IFT80: variants seen among roughly 807,000 people sequenced by gnomAD.
IFT80 encodes intraflagellar transport protein 80 homolog.
IFT80 carries 79 observed loss-of-function variants against 107.9 expected under a neutral mutation model. The ratio of observed to expected loss-of-function variants is 0.73; its 90% CI spans 0.61 to 0.88. The LOEUF (loss-of-function observed/expected upper bound fraction) is 0.88, where lower values mean the gene tolerates loss of function less well. Ranked by LOEUF, IFT80 falls within the 40% of genes least tolerant of loss-of-function variation. The probability of loss-of-function intolerance (pLI) is 0.00; values close to 1 mark genes in which losing one functional copy is unlikely to be tolerated. For synonymous variants in IFT80, 299 were observed against 300.9 expected, an observed-to-expected ratio of 0.99 and a Z score of 0.07; for missense variants, 797 against 914.2, an observed-to-expected ratio of 0.87 and a Z score of 1.65.
intron 5 of IFT80, among the ~76,000 whole-genome samples, chr3:160,373,329 C>T (rs1464083396): frequency 6.6e-6 from 1 of 152,106 alleles, no homozygotes; most frequent in African/African-American, 2.4e-5. Context: ...CCAGCCTTTC[C>T]AAGTCTGGAG....
intron 8 of IFT80, among the ~76,000 whole-genome samples, chr3:160,334,314 GTTA>G (rs1398228234): frequency 6.6e-6 from 1 of 152,078 alleles, no homozygotes; most frequent in Non-Finnish European, 1.5e-5. Context: ...GATGAGATAT[GTTA>G]TTAGTTGATA....
At chr3:160,368,063 A>G (rs1296718720) in intron 5 of IFT80, among the ~76,000 whole-genome samples, 1 of 151,922 alleles carries the variant, frequency 6.6e-6, no homozygotes, top group Non-Finnish European at 1.5e-5. Flanking sequence ...GAATCAACGA[A>G]TCAATGAATA....
chr3:160,355,245 T>C (rs1720986875), intron 8 of IFT80, among the ~76,000 whole-genome samples: 1 of 150,204 alleles, frequency 6.7e-6, no homozygotes, highest in Admixed American at 6.6e-5. Context: ...AAATATGCCC[T>C]TTGGTTATTT....
At position 160,385,682 on chromosome 3, in the gene IFT80, G is replaced by A. The variant is rs895037150; in HGVS notation, c.-46-1036C>T. 2.0e-5 allele frequency among the ~76,000 whole-genome samples: 3 copies of A among 152,276 alleles called. No homozygotes were observed. In the South Asian group the frequency reaches 6.2e-4, roughly 32 times the overall value. On this transcript the variant is annotated intron_variant, in intron 1 of 19. Coordinates refer to ENST00000326448, the MANE Select transcript of IFT80 (RefSeq NM_020800.3). ...TTGAACTTCAAAAGTATGAAACTATGTGGAGCACAGCCAGAGCTAGAATAC... is the reference window on the plus strand; with the variant it reads ...TTGAACTTCAAAAGTATGAAACTATATGGAGCACAGCCAGAGCTAGAATAC...
intron 11 of IFT80, among the ~76,000 whole-genome samples, chr3:160,302,993 A>G (rs960924377): frequency 1.3e-5 from 2 of 152,170 alleles, no homozygotes; most frequent in Non-Finnish European, 2.9e-5. Context: ...CTTGCCAGGC[A>G]GCTACTTTCC....
At chr3:160,346,974 C>T (rs1323355838) in intron 8 of IFT80, among the ~76,000 whole-genome samples, 1 of 152,158 alleles carries the variant, frequency 6.6e-6, no homozygotes, top group Non-Finnish European at 1.5e-5. Flanking sequence ...CCCTCCAAAG[C>T]CCTTATTCGT....
chr3:160,261,465 T>C lies in IFT80; in HGVS notation c.2224-2830A>G, dbSNP rs78263553. ...AACAAAACAAAAAATATATCTAGTA[T>C]GCCAGAAGCGGTAAAGATTTTGAAA... On this transcript the variant is annotated intron_variant, in intron 19 of 19. Transcript: ENST00000326448. 1.2e-4 allele frequency among the ~76,000 whole-genome samples: 18 copies of C among 146,680 alleles called. No individual in the cohort carries two copies. In the South Asian group the frequency reaches 3.7e-3, roughly 30 times the overall value.
In IFT80 at chr3:160,277,662, G is replaced by A. The variant is rs1714371929; in HGVS notation, c.1845C>T (p.Thr615=). The A allele has an allele frequency of 6.2e-7, 1 of 1,611,934 alleles. No individual in the cohort carries two copies. The highest frequency in any genetic ancestry group is 8.5e-7 in the Non-Finnish European group (1 of 1,178,438). ...CCATAGCAGCTAGACAAGCCCACAT[G>A]GTTTGCTCCTAAAGTAAAGTATGAG... ...VRLCRFVKEQ[T]MWACLAAMAV... Residue 615 remains threonine, a synonymous_variant, in exon 17 of 20, where the codon ACC becomes ACT. Transcript: ENST00000326448.
At position 160,330,763 on chromosome 3, in the gene IFT80, C is replaced by T. The variant is rs1719034401; in HGVS notation, c.778-10824G>A. On this transcript the variant is annotated intron_variant, in intron 8 of 19. Coordinates refer to ENST00000326448, the MANE Select transcript of IFT80 (RefSeq NM_020800.3). The stretch of plus-strand genomic sequence containing the variant: ...CCCCATTTACCTGTTACCCAGTTTC[C>T]AACAATTATCAACTAATGGCTAATT... 2.0e-5 allele frequency among the ~76,000 whole-genome samples: 3 copies of T among 152,124 alleles called. No individual in the cohort carries two copies. The South Asian group carries it at 6.2e-4, about 32-fold the overall frequency.
intron 18 of IFT80, among the ~76,000 whole-genome samples, chr3:160,274,190 G>A (rs1222655042): frequency 6.6e-6 from 1 of 152,040 alleles, no homozygotes; most frequent in South Asian, 2.1e-4. Context: ...TAAAGATGAG[G>A]GAGGCAAAAA....
intron 8 of IFT80, among the ~76,000 whole-genome samples, chr3:160,347,400 C>T (rs1440418811): frequency 1.3e-5 from 2 of 152,046 alleles, no homozygotes; most frequent in African/African-American, 2.4e-5. Flanking sequence ...GTGGAGGAAC[C>T]AATTTCTAGG....
chr3:160,307,785 A>C lies in IFT80; in HGVS notation c.958-4T>G. 7.2e-7 allele frequency: 1 copy of C among 1,383,846 alleles called. No individual in the cohort carries two copies. Among genetic ancestry groups the C allele is most frequent in the Non-Finnish European group, 1.0e-6 (1 of 971,034 alleles). The allele number at this position is 1,383,846 out of a possible 1,614,324, so 85.7% of individuals were successfully genotyped here. A position where few individuals can be genotyped will look rare whatever the true frequency, so the allele number is the denominator to read the frequency against. On this transcript the variant is annotated splice_polypyrimidine_tract_variant and splice_region_variant and intron_variant, in intron 9 of 19. Transcript: ENST00000326448. The stretch of plus-strand genomic sequence containing the variant: ...CATCATTAAGAACATTACGAACCTA[A>C]ACAAGGAAAAATAAAATACCAATAA...
intron 1 of IFT80, among the ~76,000 whole-genome samples, chr3:160,388,283 C>T (rs1713096281): frequency 6.8e-6 from 1 of 146,248 alleles, no homozygotes; most frequent in Non-Finnish European, 1.5e-5. Flanking sequence ...CAATTACAAA[C>T]AAACTCTTCC....
intron 9 of IFT80, among the ~76,000 whole-genome samples, chr3:160,317,999 T>C (rs952082217): frequency 5.3e-5 from 8 of 151,402 alleles, no homozygotes; most frequent in Non-Finnish European, 1.0e-4. Context: ...TATAATATGA[T>C]AATGGTAGTG....
chr3:160,383,874 T>A, intron 2 of IFT80: 1 of 985,346 alleles, frequency 1.0e-6, no homozygotes, highest in Non-Finnish European at 1.2e-6. Context: ...CACTTTATCA[T>A]GAATGTAAAG....
At chr3:160,354,459 C>A (rs1720923357) in intron 8 of IFT80, among the ~76,000 whole-genome samples, 1 of 151,958 alleles carries the variant, frequency 6.6e-6, no homozygotes, top group Admixed American at 6.6e-5. Context: ...ACCATCCTGG[C>A]TAACACAGTG....
intron 18 of IFT80, chr3:160,268,872 T>C (rs1337888767): frequency 3.7e-6 from 1 of 273,264 alleles, no homozygotes; most frequent in Non-Finnish European, 7.1e-6. Context: ...AATACACTTA[T>C]TGAAGGGAGA....
chr3:160,271,113 A>G (rs2108214639), intron 18 of IFT80, among the ~76,000 whole-genome samples: 1 of 152,310 alleles, frequency 6.6e-6, no homozygotes, highest in South Asian at 2.1e-4. Flanking sequence ...TTGAATAGCA[A>G]TGGCTAAGGG....
intron 16 of IFT80, among the ~76,000 whole-genome samples, chr3:160,278,138 C>G (rs1714411965): frequency 6.6e-6 from 1 of 152,122 alleles, no homozygotes; most frequent in Admixed American, 6.6e-5. Flanking sequence ...GCCCCCAAAT[C>G]ATTTTCTTTT....
Sources: gnomAD v4.1 joint callset for allele counts (sites outside exome capture counted in the v4.1 genomes callset) on GRCh38, gnomAD v4.1.1 for gene constraint, MANE v1.5 for transcripts, NCBI Gene and HGNC (gene_info 2026-07-23, HGNC 2026-07-21) for gene names.